ENOSF1: variants seen among roughly 807,000 people sequenced by gnomAD.
ENOSF1 encodes the protein enolase superfamily member 1.
A neutral mutation model predicts 68.2 loss-of-function variants in ENOSF1; 73 were observed. The observed-to-expected ratio is 1.07, with a 90% CI of 0.89 to 1.30. The LOEUF (loss-of-function observed/expected upper bound fraction) is 1.30, where lower values mean the gene tolerates loss of function less well. ENOSF1 is among the 50% of genes most tolerant of loss of function. The pLI, the probability that ENOSF1 is intolerant of heterozygous loss-of-function variation, is 0.00. For synonymous variants in ENOSF1, 223 were observed against 210.4 expected (o/e 1.06, Z -0.52); for missense variants, 589 against 554.5 (o/e 1.06, Z -0.62).
downstream of ENOSF1, among the ~76,000 whole-genome samples, chr18:669,944 AGAGT>A (rs1199640752): frequency 1.3e-5 from 2 of 152,042 alleles, no homozygotes; most frequent in African/African-American, 2.4e-5. Context: ...CCTGGGCAAC[AGAGT>A]GAGACCCTGA....
chr18:686,303 G>T, intron 9 of ENOSF1: 13 of 329,836 alleles, frequency 3.9e-5, no homozygotes, highest in Admixed American at 8.9e-5. Context: ...CCATGAAAAG[G>T]AATTAAGAAC....
chr18:669,047 T>C (rs1482237236), downstream of ENOSF1: 1 of 1,581,804 alleles, frequency 6.3e-7, no homozygotes, highest in African/African-American at 1.3e-5. Flanking sequence ...TATGTACCTG[T>C]CCTCTCTTTT....
chr18:696,402 G>A (rs528857178), intron 3 of ENOSF1, among the ~76,000 whole-genome samples: 258 of 151,610 alleles, frequency 1.7e-3, no homozygotes, highest in Admixed American at 2.9e-3. Flanking sequence ...TAGTAGAGAC[G>A]GGGTTTCACC....
At chr18:666,736 AG>A (rs2074823049), downstream of ENOSF1, among the ~76,000 whole-genome samples, 1 of 152,248 alleles carries the variant, frequency 6.6e-6, no homozygotes, top group Admixed American at 6.5e-5. Context: ...TAGCAACTTC[AG>A]GAAGTTTAAA....
chr18:684,139 G>T (rs561335881), intron 10 of ENOSF1, among the ~76,000 whole-genome samples: 2 of 151,640 alleles, frequency 1.3e-5, no homozygotes, highest in African/African-American at 2.4e-5. Flanking sequence ...GACTACAGGC[G>T]CCCACCACCA....
intron 3 of ENOSF1, among the ~76,000 whole-genome samples, chr18:695,281 AG>A (rs1478708975): frequency 6.6e-6 from 1 of 152,228 alleles, no homozygotes; most frequent in African/African-American, 2.4e-5. Context: ...GACTAGATTC[AG>A]GTAATACATT....
rs1450133594 is a variant in ENOSF1 at position 671,091 on chromosome 18, C to T, written c.*3214G>A. 4 of 628,840 alleles carry T rather than the reference C, an allele frequency of 6.4e-6. No individual in the cohort carries two copies. The East Asian group carries it at 1.1e-4, about 17-fold the overall frequency. 39.0% of individuals were successfully genotyped at this position (628,840 alleles called of 1,614,324 possible). Reference sequence around the variant, plus strand: ...AGATCTATACAGGTTGTTTGTGATACAGCTTCTATGGATTTTCTCAAAAGC... The same window carrying T: ...AGATCTATACAGGTTGTTTGTGATATAGCTTCTATGGATTTTCTCAAAAGC... On this transcript the variant is annotated 3_prime_UTR_variant, in exon 16 of 16. Coordinates refer to ENST00000647584, the MANE Select transcript of ENOSF1 (RefSeq NM_017512.7).
chr18:694,238 GA>G lies in ENOSF1; in HGVS notation c.396+9del. The G allele has an allele frequency of 6.2e-7, 1 of 1,613,682 alleles. No individual in the cohort carries two copies. On this transcript the variant is annotated intron_variant, in intron 4 of 15. Transcript: ENST00000647584. ...CCAGGAGCCTCCTGAGCGTTTGTGA[GA>G]GGGGTTACCTTTCCCTCCTGCTTGG...
downstream of ENOSF1, among the ~76,000 whole-genome samples, chr18:668,764 A>C (rs887263000): frequency 2.0e-5 from 3 of 152,116 alleles, no homozygotes; most frequent in African/African-American, 7.2e-5. Context: ...AAGATTGTTG[A>C]GATTGGAAAG....
intron 8 of ENOSF1, among the ~76,000 whole-genome samples, chr18:689,354 C>T (rs1170272276): frequency 6.6e-6 from 1 of 152,192 alleles, no homozygotes; most frequent in Non-Finnish European, 1.5e-5. Context: ...GATCTCGGCT[C>T]ATTGCAACCC....
rs1022080068 is a variant in ENOSF1 at position 670,786 on chromosome 18, A to C, written c.*3519T>G. 1.9e-6 allele frequency: 3 copies of C among 1,613,896 alleles called. No homozygotes were observed. The highest frequency in any genetic ancestry group is 2.5e-6 in the Non-Finnish European group (3 of 1,180,014). ...CCTGCCAGCTGTACCAGAGATCGGG[A>C]GACATGGGCCTCGGTGTGCCTTTCA... On this transcript the variant is annotated 3_prime_UTR_variant, in exon 16 of 16. Transcript: ENST00000647584.
At chr18:712,246 C>A in intron 1 of ENOSF1, 1 of 1,518,838 alleles carries the variant, frequency 6.6e-7, no homozygotes, top group Non-Finnish European at 8.8e-7. Flanking sequence ...GTGTCTCCCC[C>A]AGGCGCGCCT....
At chr18:693,013 G>A (rs868274722) in intron 5 of ENOSF1, 10 of 1,229,594 alleles carry the variant, frequency 8.1e-6, no homozygotes, top group Middle Eastern at 2.3e-4. Context: ...CCCAGGTGTT[G>A]CACTGAGGCC....
rs200139649 is a variant in ENOSF1, at chr18:701,598, T to A, written c.194-4243A>T. Among the ~76,000 whole-genome samples the A allele has an allele frequency of 4.5e-3, 663 of 148,132 alleles. 5 individuals are homozygous for A. The highest frequency in any genetic ancestry group is 0.016 in the African/African-American group (633 of 40,384). On this transcript the variant is annotated intron_variant, in intron 2 of 15. Coordinates refer to ENST00000647584, the MANE Select transcript of ENOSF1 (RefSeq NM_017512.7). ...GGTGAAACCCCATCTCTACTAAAAA[T>A]AAAAAAAAAATTAGCCGGGCGTGGT...
At chr18:682,251 A>G (rs2076147775) in intron 11 of ENOSF1, among the ~76,000 whole-genome samples, 1 of 152,042 alleles carries the variant, frequency 6.6e-6, no homozygotes, top group South Asian at 2.1e-4. Context: ...GATGGTAGAG[A>G]CTACTACACG....
rs2075034558 is a variant in ENOSF1 at position 671,252 on chromosome 18, T to C, written c.*3053A>G. ...ACAAGATGCTGTTGCTACAAAAAAA[T>C]GGAAAAGCTACACTAAATTATTTTT... On this transcript the variant is annotated 3_prime_UTR_variant, in exon 16 of 16. Transcript: ENST00000647584. The C allele has an allele frequency of 1.4e-6, 1 of 724,960 alleles. No homozygotes were observed. The allele number at this position is 724,960 out of a possible 1,614,324, so 44.9% of individuals were successfully genotyped here.
chr18:692,651 T>C, intron 5 of ENOSF1: 5 of 930,544 alleles, frequency 5.4e-6, no homozygotes, highest in Non-Finnish European at 6.4e-6. Flanking sequence ...GTACTGGCAT[T>C]GAAAGGGAAC....
chr18:688,647 C>T (rs756711340), intron 8 of ENOSF1, 39 bp from the exon 9 acceptor site: 5 of 1,586,814 alleles, frequency 3.2e-6, no homozygotes, highest in Non-Finnish European at 4.3e-6. Flanking sequence ...CTGGAGAGAG[C>T]CCCTTGGTCT....
Position 674,257 on chromosome 18 carries a change from T to G in ENOSF1, c.*48A>C, listed in dbSNP as rs1309222839. ...TTTTGTAAAACTATTTCCAAGAAAT[T>G]TTAAGCCCTTTCACTTCAGAAAGAA... is the stretch of plus-strand genomic sequence containing the variant. On this transcript the variant is annotated 3_prime_UTR_variant, in exon 16 of 16. Transcript: ENST00000647584. 1.5e-6 allele frequency: 2 copies of G among 1,296,178 alleles called. No homozygotes were observed. The highest frequency in any genetic ancestry group is 3.0e-5 in the African/African-American group (2 of 66,264). The allele number at this position is 1,296,178 out of a possible 1,614,324, so 80.3% of individuals were successfully genotyped here.
Sources: gnomAD v4.1 joint callset for allele counts (sites outside exome capture counted in the v4.1 genomes callset) on GRCh38, gnomAD v4.1.1 for gene constraint, MANE v1.5 for transcripts, NCBI Gene and HGNC (gene_info 2026-07-23, HGNC 2026-07-21) for gene names.